Variants in POU6F2 observed in about 807,000 individuals in gnomAD.
POU6F2 encodes the protein POU class 6 homeobox 2.
A neutral mutation model predicts 71.3 loss-of-function variants in POU6F2; 31 were observed. The ratio of observed to expected loss-of-function variants is 0.43; its 90% CI spans 0.33 to 0.59. The LOEUF is 0.59. POU6F2 is among the 20% of genes least tolerant of loss of function. The pLI is 0.04. For missense variants in POU6F2, 783 were observed against 856.8 expected (o/e 0.91, Z 1.07); for synonymous variants, 347 against 355.7 (o/e 0.98, Z 0.27).
chr7:39,349,384 C>G (rs1786095591), intron 5 of POU6F2, among the ~76,000 whole-genome samples: 1 of 152,130 alleles, frequency 6.6e-6, no homozygotes, highest in Non-Finnish European at 1.5e-5. Context: ...CCTCATGCCA[C>G]AGCATGAGAA....
intron 1 of POU6F2, among the ~76,000 whole-genome samples, chr7:39,019,626 C>A (rs1789634247): frequency 6.7e-6 from 1 of 149,998 alleles, no homozygotes; most frequent in African/African-American, 2.4e-5. Context: ...GTGCTGAAAT[C>A]TTTTGCATTT....
At chr7:39,032,154 C>T (rs1178914023) in intron 1 of POU6F2, among the ~76,000 whole-genome samples, 1 of 152,094 alleles carries the variant, frequency 6.6e-6, no homozygotes, top group Non-Finnish European at 1.5e-5. Context: ...ATTTTGTTTA[C>T]CAGTGGGCAT....
At chr7:39,106,355 C>G (rs1375926006) in intron 2 of POU6F2, among the ~76,000 whole-genome samples, 1 of 145,754 alleles carries the variant, frequency 6.9e-6, no homozygotes, top group Non-Finnish European at 1.5e-5. Context: ...CAAACACCCA[C>G]AACATCCCCT....
chr7:39,354,431 T>A, intron 5 of POU6F2, among the ~76,000 whole-genome samples: 1 of 152,204 alleles, frequency 6.6e-6, no homozygotes, highest in Non-Finnish European at 1.5e-5. Flanking sequence ...AACTAGGACA[T>A]GGATTGAAAT....
At chr7:39,076,612 G>T (rs780548086) in intron 1 of POU6F2, among the ~76,000 whole-genome samples, 5 of 152,172 alleles carry the variant, frequency 3.3e-5, no homozygotes, top group Non-Finnish European at 5.9e-5. Context: ...TTGCCAATAT[G>T]CAATATGGGC....
intron 4 of POU6F2, among the ~76,000 whole-genome samples, chr7:39,315,277 G>C (rs1466885528): frequency 6.6e-6 from 1 of 152,114 alleles, no homozygotes; most frequent in Admixed American, 6.5e-5. Flanking sequence ...TTCCAGGGAA[G>C]TATCCATACT....
At chr7:39,041,424 T>C (rs987731465) in intron 1 of POU6F2, among the ~76,000 whole-genome samples, 42 of 151,988 alleles carry the variant, frequency 2.8e-4, no homozygotes, top group Admixed American at 2.0e-3. Context: ...GGTAGATTGC[T>C]CTCCAAAATC....
At chr7:39,246,728 C>G (rs1483956297) in intron 4 of POU6F2, among the ~76,000 whole-genome samples, 1 of 151,880 alleles carries the variant, frequency 6.6e-6, no homozygotes, top group Non-Finnish European at 1.5e-5. Flanking sequence ...GCAGTAATAG[C>G]AGTCATAAAC....
At chr7:39,315,343 C>T (rs1468411119) in intron 4 of POU6F2, among the ~76,000 whole-genome samples, 3 of 152,160 alleles carry the variant, frequency 2.0e-5, no homozygotes. Context: ...GTCATTAACA[C>T]AAGTCCCTTA....
chr7:39,009,596 G>T (rs1255290466), intron 1 of POU6F2, among the ~76,000 whole-genome samples: 1 of 152,162 alleles, frequency 6.6e-6, no homozygotes, highest in Non-Finnish European at 1.5e-5. Flanking sequence ...TCCCTGTCTT[G>T]TGCCAGTTTT....
chr7:39,115,180 GC>G (rs1791904624), intron 2 of POU6F2, among the ~76,000 whole-genome samples: 1 of 152,112 alleles, frequency 6.6e-6, no homozygotes, highest in Non-Finnish European at 1.5e-5. Context: ...AGAGAAGAGA[GC>G]CAGGCCCAGC....
chr7:39,154,793 C>T (rs949904865), intron 2 of POU6F2, among the ~76,000 whole-genome samples: 3 of 152,090 alleles, frequency 2.0e-5, no homozygotes, highest in African/African-American at 7.2e-5. Flanking sequence ...TGCCCTGGCT[C>T]AAGGCATAGT....
intron 7 of POU6F2, among the ~76,000 whole-genome samples, chr7:39,435,285 G>A (rs946103496): frequency 2.6e-5 from 4 of 151,936 alleles, no homozygotes; most frequent in Non-Finnish European, 4.4e-5. Flanking sequence ...CCACAGCCTC[G>A]TCAGCATCTA....
chr7:39,302,182 A>G (rs1198514735), intron 4 of POU6F2, among the ~76,000 whole-genome samples: 1 of 152,234 alleles, frequency 6.6e-6, no homozygotes, highest in Non-Finnish European at 1.5e-5. Flanking sequence ...TGCAAATTCA[A>G]AAGTTATGAG....
intron 2 of POU6F2, among the ~76,000 whole-genome samples, chr7:39,162,845 G>A (rs1032536860): frequency 6.6e-6 from 1 of 152,086 alleles, no homozygotes; most frequent in Non-Finnish European, 1.5e-5. Flanking sequence ...CGAAAACTGA[G>A]TAATTACTTG....
chr7:39,321,407 A>C (rs1785387354), intron 4 of POU6F2, among the ~76,000 whole-genome samples: 1 of 152,196 alleles, frequency 6.6e-6, no homozygotes. Flanking sequence ...CATGAGCAAA[A>C]GCCAGGTGTG....
intron 4 of POU6F2, among the ~76,000 whole-genome samples, chr7:39,282,056 T>A (rs1048896708): frequency 5.3e-5 from 8 of 152,156 alleles, no homozygotes; most frequent in African/African-American, 1.9e-4. Context: ...TGTTGAGTAT[T>A]TTTTCATATA....
rs538606370 is a variant in POU6F2 at position 39,276,796 on chromosome 7, G to A, written c.599-62846G>A. 1.8e-3 allele frequency among the ~76,000 whole-genome samples: 269 copies of A among 151,290 alleles called. 1 individual carries two copies. Among genetic ancestry groups the A allele is most frequent in the Non-Finnish European group, 2.7e-3 (183 of 67,926 alleles). On this transcript the variant is annotated intron_variant, in intron 4 of 9. Coordinates refer to ENST00000518318, the MANE Select transcript of POU6F2 (RefSeq NM_001370959.1). ...AAATCATCATTCTCAGTAAACTATC[G>A]CAAGGACAAAAAACCAAACACCGCA...
chr7:39,360,747 A>G (rs374896966), intron 5 of POU6F2, among the ~76,000 whole-genome samples: 2 of 152,244 alleles, frequency 1.3e-5, no homozygotes, highest in South Asian at 4.1e-4. Context: ...TTTCTTGATG[A>G]TATGCTAAAC....
Sources: gnomAD v4.1 joint callset for allele counts (sites outside exome capture counted in the v4.1 genomes callset) on GRCh38, gnomAD v4.1.1 for gene constraint, MANE v1.5 for transcripts, NCBI Gene and HGNC (gene_info 2026-07-23, HGNC 2026-07-21) for gene names.